NUMB: variants seen among roughly 807,000 people sequenced by gnomAD.
NUMB encodes the protein NUMB endocytic adaptor protein.
Under a neutral mutation model 59.7 loss-of-function variants are expected in NUMB, and 29 were observed. The ratio of observed to expected loss-of-function variants is 0.49; its 90% CI spans 0.36 to 0.66. The LOEUF (loss-of-function observed/expected upper bound fraction) is 0.66. NUMB is among the 30% of genes least tolerant of loss of function. NUMB has a pLI of 0.00. For missense variants in NUMB, 723 were observed against 822.0 expected, an observed-to-expected ratio of 0.88 and a Z score of 1.47; for synonymous variants, 288 against 288.2, an observed-to-expected ratio of 1.00 and a Z score of 0.01.
At chr14:73,307,327 T>A (rs1024904018) in intron 6 of NUMB, among the ~76,000 whole-genome samples, 14 of 128,568 alleles carry the variant, frequency 1.1e-4, no homozygotes, top group East Asian at 9.3e-4. Context: ...AAAAAAAAAA[T>A]AGCTAGGAAT....
At chr14:73,300,351 G>T (rs1890063736) in intron 6 of NUMB, among the ~76,000 whole-genome samples, 1 of 152,152 alleles carries the variant, frequency 6.6e-6, no homozygotes, top group African/African-American at 2.4e-5. Context: ...AAAGGAGGGA[G>T]TAGCAAGTGG....
intron 1 of NUMB, among the ~76,000 whole-genome samples, chr14:73,425,942 G>A (rs1054393596): frequency 2.6e-5 from 4 of 151,704 alleles, no homozygotes; most frequent in African/African-American, 9.7e-5. Flanking sequence ...CGGAATAGGT[G>A]GGACTACAGG....
At chr14:73,414,024 A>G (rs1242888779) in intron 1 of NUMB, among the ~76,000 whole-genome samples, 12 of 149,210 alleles carry the variant, frequency 8.0e-5, no homozygotes, top group African/African-American at 2.5e-4. Flanking sequence ...GCACGATCTC[A>G]GCTCACTACA....
chr14:73,342,907 C>T (rs1566751186), intron 4 of NUMB, among the ~76,000 whole-genome samples: 2 of 152,100 alleles, frequency 1.3e-5, no homozygotes, highest in South Asian at 4.1e-4. Flanking sequence ...TGCAGTGATG[C>T]GATCATGGCT....
In NUMB at chr14:73,292,767, C is replaced by A; in HGVS notation, c.417G>T (p.Trp139Cys). Residue 139 changes from tryptophan to cysteine, a missense_variant, in exon 8 of 13, where the codon TGG becomes TGT. Physicochemically the swap from Trp to Cys is radical, Grantham distance 215 (BLOSUM62 -2). Transcript: ENST00000555238. ...YICRDGTTRR[W>C]ICHCFMAVKD... ...TGACAGCCATGAAGCAGTGACAGAT[C>A]CAGCGACGAGTGGTGCCATCACGGC... The A allele has an allele frequency of 3.7e-6, 6 of 1,614,184 alleles. No individual in the cohort carries two copies. The highest frequency in any genetic ancestry group is 5.1e-6 in the Non-Finnish European group (6 of 1,180,030).
At chr14:73,398,059 C>T (rs1481891731) in intron 2 of NUMB, among the ~76,000 whole-genome samples, 1 of 152,124 alleles carries the variant, frequency 6.6e-6, no homozygotes, top group Non-Finnish European at 1.5e-5. Context: ...TAGCCTAAGA[C>T]AGCCTGCAAT....
At chr14:73,332,970 G>A (rs1274359696) in intron 4 of NUMB, among the ~76,000 whole-genome samples, 1 of 152,048 alleles carries the variant, frequency 6.6e-6, no homozygotes, top group Non-Finnish European at 1.5e-5. Flanking sequence ...ACATTCCATT[G>A]TATGTATGTA....
intron 1 of NUMB, among the ~76,000 whole-genome samples, chr14:73,431,442 G>T (rs1351789613): frequency 1.3e-5 from 2 of 150,928 alleles, no homozygotes; most frequent in Non-Finnish European, 3.0e-5. Flanking sequence ...TTTTAGTAGA[G>T]ACAGGGTTTT....
intron 2 of NUMB, among the ~76,000 whole-genome samples, chr14:73,372,349 A>AACCTTT (rs1894744377): frequency 8.2e-6 from 1 of 121,948 alleles, no homozygotes; most frequent in Non-Finnish European, 1.8e-5. Flanking sequence ...CCTTTTATAT[A>AACCTTT]TATATATATA....
At chr14:73,278,557 T>C (rs1164721539) in intron 12 of NUMB, among the ~76,000 whole-genome samples, 2 of 151,902 alleles carry the variant, frequency 1.3e-5, no homozygotes, top group African/African-American at 2.4e-5. Context: ...AATTAATAGA[T>C]GTTTTTTATA....
intron 1 of NUMB, among the ~76,000 whole-genome samples, chr14:73,451,985 G>A (rs530185685): frequency 2.0e-5 from 3 of 152,244 alleles, no homozygotes; most frequent in East Asian, 1.9e-4. Flanking sequence ...GCCTGAGCAC[G>A]GTAGCTCATG....
At chr14:73,429,627 T>C (rs1192211831) in intron 1 of NUMB, among the ~76,000 whole-genome samples, 1 of 152,030 alleles carries the variant, frequency 6.6e-6, no homozygotes, top group Non-Finnish European at 1.5e-5. Context: ...GGTGCAAAAG[T>C]AGTTGTGTTT....
Position 73,446,308 on chromosome 14 carries a change from C to CT in NUMB, c.-233+12184dup, listed in dbSNP as rs532139879. On this transcript the variant is annotated intron_variant, in intron 1 of 12. Transcript: ENST00000555238. ...CACCATCACCAGACTTGCAAAATAA[C>CT]TTTAAAAAAAAATCCTAAACTGGGC... is the stretch of plus-strand genomic sequence containing the variant. Among the ~76,000 whole-genome samples, 13 of 151,250 alleles carry CT rather than the reference C, an allele frequency of 8.6e-5. No individual in the cohort carries two copies. The East Asian group carries it at 2.4e-3, about 28-fold the overall frequency.
intron 2 of NUMB, among the ~76,000 whole-genome samples, chr14:73,404,602 T>C (rs1409457765): frequency 6.6e-6 from 1 of 152,206 alleles, no homozygotes; most frequent in East Asian, 1.9e-4. Flanking sequence ...GTTCAACATA[T>C]GTCTTACAAC....
Position 73,342,119 on chromosome 14 carries a change from AC to A in NUMB, c.126+13506del, listed in dbSNP as rs1892668259. On this transcript the variant is annotated intron_variant, in intron 4 of 12. Transcript: ENST00000555238. ...TCACTATATTGCAGGCTGGTCTCAA[AC>A]CCCTGGGCCCAAGTGATCCTCCCGC... Among the ~76,000 whole-genome samples, 5 of 152,312 alleles carry A rather than the reference AC, an allele frequency of 3.3e-5. No homozygotes were observed. The South Asian group carries it at 1.0e-3, about 32-fold the overall frequency.
intron 2 of NUMB, among the ~76,000 whole-genome samples, chr14:73,395,202 TAC>T (rs142215964): frequency 6.0e-5 from 9 of 150,698 alleles, no homozygotes; most frequent in African/African-American, 9.7e-5. Flanking sequence ...ACATGATGTA[TAC>T]ACACACACAC....
intron 1 of NUMB, among the ~76,000 whole-genome samples, chr14:73,446,425 G>A (rs1162737844): frequency 6.6e-6 from 1 of 151,968 alleles, no homozygotes; most frequent in African/African-American, 2.4e-5. Context: ...GGCCAATATG[G>A]TGAAACCCCG....
intron 6 of NUMB, chr14:73,298,530 G>A (rs1409598431): frequency 6.6e-6 from 1 of 152,210 alleles, no homozygotes; most frequent in Non-Finnish European, 1.5e-5. Context: ...GTGATGGAAT[G>A]TAATAGTAAT....
At chr14:73,451,305 C>T (rs781585623) in intron 1 of NUMB, among the ~76,000 whole-genome samples, 7 of 151,356 alleles carry the variant, frequency 4.6e-5, no homozygotes, top group Non-Finnish European at 7.4e-5. Flanking sequence ...GGTGTGGTGG[C>T]GTGTGCCTGT....
Sources: allele counts gnomAD v4.1 joint callset (sites outside exome capture counted in the v4.1 genomes callset), GRCh38; gene constraint gnomAD v4.1.1; transcripts MANE v1.5; gene names NCBI Gene and HGNC (gene_info 2026-07-23, HGNC 2026-07-21).